The following PPM1L variants were observed in gnomAD, a reference collection of about 807,000 sequenced individuals.
PPM1L encodes the protein protein phosphatase, Mg2+/Mn2+ dependent 1L, also known as protein phosphatase 1L.
PPM1L carries 13 observed loss-of-function variants against 31.4 expected under a neutral mutation model. The ratio of observed to expected loss-of-function variants is 0.41; its 90% CI spans 0.27 to 0.66. The LOEUF (loss-of-function observed/expected upper bound fraction) is 0.66. PPM1L is among the 30% of genes least tolerant of loss of function. The pLI is 0.29. For missense variants in PPM1L, 326 were observed against 453.7 expected (o/e 0.72, Z 2.56); for synonymous variants, 184 against 175.4 (o/e 1.05, Z -0.39).
chr3:160,759,436 A>G (rs1268159232), intron 1 of PPM1L, among the ~76,000 whole-genome samples: 2 of 151,472 alleles, frequency 1.3e-5, no homozygotes, highest in Non-Finnish European at 2.9e-5. Context: ...TTTTCTTTTA[A>G]GCTGAGATGC....
At chr3:160,813,486 C>T (rs149565069) in intron 1 of PPM1L, among the ~76,000 whole-genome samples, 8 of 152,152 alleles carry the variant, frequency 5.3e-5, no homozygotes, top group Non-Finnish European at 8.8e-5. Flanking sequence ...ACTACAGGTG[C>T]GTGCCACCAT....
intron 2 of PPM1L, among the ~76,000 whole-genome samples, chr3:161,063,938 A>G (rs1719649364): frequency 6.6e-6 from 1 of 152,098 alleles, no homozygotes; most frequent in East Asian, 1.9e-4. Context: ...CAAACACCAC[A>G]TGTTCTCACT....
intron 1 of PPM1L, among the ~76,000 whole-genome samples, chr3:160,821,214 C>A (rs576639203): frequency 6.6e-6 from 1 of 151,870 alleles, no homozygotes; most frequent in African/African-American, 2.4e-5. Context: ...GTGCTGGGAA[C>A]TGGAACATAT....
intron 2 of PPM1L, among the ~76,000 whole-genome samples, chr3:161,044,468 G>C (rs1718999361): frequency 6.6e-6 from 1 of 151,818 alleles, no homozygotes; most frequent in East Asian, 1.9e-4. Flanking sequence ...CTGAGGACCA[G>C]CTGGGTGCAA....
chr3:160,791,825 C>A (rs1055967096), intron 1 of PPM1L, among the ~76,000 whole-genome samples: 11 of 152,130 alleles, frequency 7.2e-5, no homozygotes, highest in Non-Finnish European at 1.6e-4. Context: ...AAGGAGCCAG[C>A]TGTATTAAGA....
At chr3:160,760,126 T>C (rs75427818) in intron 1 of PPM1L, among the ~76,000 whole-genome samples, 2,509 of 152,356 alleles carry the variant, frequency 0.016, 64 homozygotes, top group African/African-American at 0.057. Context: ...CCAAACTCTC[T>C]ATATCTCAAG....
rs559588496 is a variant in PPM1L at position 160,924,086 on chromosome 3, T to A, written c.400-37650T>A. On this transcript the variant is annotated intron_variant, in intron 1 of 3. Coordinates refer to ENST00000498165, the MANE Select transcript of PPM1L (RefSeq NM_139245.4). ...AAGTCTGTTTTCATTAGAAATTATA[T>A]TCACTTGTTTCTGTTTGTTTTAGAA... Among the ~76,000 whole-genome samples, 206 of 152,322 alleles carry A rather than the reference T, an allele frequency of 1.4e-3. 1 individual carries two copies. The highest frequency in any genetic ancestry group is 2.5e-3 in the Non-Finnish European group (173 of 68,034).
chr3:161,030,405 C>T (rs1718530501), intron 2 of PPM1L, among the ~76,000 whole-genome samples: 1 of 152,158 alleles, frequency 6.6e-6, no homozygotes, highest in Non-Finnish European at 1.5e-5. Flanking sequence ...GAAAGTGGCA[C>T]TTATGGATCA....
intron 1 of PPM1L, among the ~76,000 whole-genome samples, chr3:160,887,489 C>CTTT (rs1484224798): frequency 4.6e-5 from 7 of 151,668 alleles, no homozygotes; most frequent in Admixed American, 4.6e-4. Flanking sequence ...ACCAGGTCAC[C>CTTT]TACAAAGGGA....
At chr3:160,846,596 A>G (rs577390156) in intron 1 of PPM1L, among the ~76,000 whole-genome samples, 5 of 152,230 alleles carry the variant, frequency 3.3e-5, no homozygotes, top group African/African-American at 7.2e-5. Flanking sequence ...TCTAGATTAG[A>G]TGGATAACTG....
intron 2 of PPM1L, among the ~76,000 whole-genome samples, chr3:161,006,039 C>G (rs956375717): frequency 1.1e-4 from 17 of 152,020 alleles, no homozygotes. Flanking sequence ...AACACAGTCT[C>G]AACGAGATAT....
chr3:161,068,884 T>C lies in PPM1L; in HGVS notation c.810T>C (p.Tyr270=). 1 of 1,614,148 alleles carries C rather than the reference T, an allele frequency of 6.2e-7. No individual in the cohort carries two copies. Among genetic ancestry groups the C allele is most frequent in the Non-Finnish European group, 8.5e-7 (1 of 1,180,030 alleles). Residue 270 remains tyrosine (Y), a synonymous_variant, in exon 4 of 4, where the codon TAT becomes TAC. Coordinates refer to ENST00000498165, the MANE Select transcript of PPM1L (RefSeq NM_139245.4). The stretch of plus-strand genomic sequence containing the variant: ...CCATGTCTCGGTCCCTGGGGGATTA[T>C]CCGCTGAAAAATCTCAACGTGGTCA... The part of the protein sequence containing the change: ...ILAMSRSLGD[Y]PLKNLNVVIP...
intron 2 of PPM1L, among the ~76,000 whole-genome samples, chr3:160,980,386 A>G (rs534731696): frequency 6.6e-6 from 1 of 152,098 alleles, no homozygotes; most frequent in Admixed American, 6.5e-5. Context: ...ATGAAGATTA[A>G]AGATAATGGG....
chr3:161,020,955 T>C, intron 2 of PPM1L, among the ~76,000 whole-genome samples: 1 of 152,018 alleles, frequency 6.6e-6, no homozygotes, highest in East Asian at 1.9e-4. Context: ...TCTTCTCCCC[T>C]TTTTTTCTTC....
chr3:161,053,441 A>C (rs1349501184), intron 2 of PPM1L, among the ~76,000 whole-genome samples: 2 of 152,250 alleles, frequency 1.3e-5, no homozygotes, highest in Non-Finnish European at 2.9e-5. Context: ...CATACTTAAC[A>C]GAAAAGGAAG....
At chr3:160,906,785 A>T (rs1713778708) in intron 1 of PPM1L, among the ~76,000 whole-genome samples, 1 of 152,126 alleles carries the variant, frequency 6.6e-6, no homozygotes, top group Non-Finnish European at 1.5e-5. Flanking sequence ...AAAAAATTTA[A>T]TTCCTTGTGG....
intron 1 of PPM1L, among the ~76,000 whole-genome samples, chr3:160,763,503 C>A (rs557833971): frequency 6.6e-6 from 1 of 152,324 alleles, no homozygotes; most frequent in South Asian, 2.1e-4. Context: ...ACATAACTTA[C>A]AATGACAAAA....
chr3:161,061,962 T>C (rs1199094360), intron 2 of PPM1L, among the ~76,000 whole-genome samples: 1 of 152,206 alleles, frequency 6.6e-6, no homozygotes, highest in Non-Finnish European at 1.5e-5. Context: ...TTCCCTGATA[T>C]TCTCCAGGAC....
chr3:160,834,073 G>C (rs1713615683), intron 1 of PPM1L, among the ~76,000 whole-genome samples: 1 of 149,170 alleles, frequency 6.7e-6, no homozygotes. Context: ...GCCTAGGCTG[G>C]AGTGCAGTGG....
Sources: allele counts gnomAD v4.1 joint callset (sites outside exome capture counted in the v4.1 genomes callset), GRCh38; gene constraint gnomAD v4.1.1; transcripts MANE v1.5; gene names NCBI Gene and HGNC (gene_info 2026-07-23, HGNC 2026-07-21).